Variants in PRDM4 observed in about 807,000 individuals in gnomAD.
PRDM4 encodes the protein PR domain zinc finger protein 4.
Under a neutral mutation model 62.3 loss-of-function variants are expected in PRDM4, and 38 were observed. The ratio of observed to expected loss-of-function variants is 0.61; its 90% CI spans 0.47 to 0.80. The LOEUF (loss-of-function observed/expected upper bound fraction) is 0.80. Among genes scored for constraint, PRDM4 ranks in the 30% least tolerant of loss-of-function variants. The probability of loss-of-function intolerance (pLI) is 0.00; values close to 1 mark genes in which losing one functional copy is unlikely to be tolerated. For synonymous variants in PRDM4, 339 were observed against 348.2 expected, an observed-to-expected ratio of 0.97 and a Z score of 0.30; for missense variants, 858 against 997.1, an observed-to-expected ratio of 0.86 and a Z score of 1.88.
At position 107,754,406 on chromosome 12, in the gene PRDM4, G is replaced by A. The variant is rs142750202; in HGVS notation, c.146-297C>T. Among the ~76,000 whole-genome samples the A allele has an allele frequency of 7.1e-3, 1,081 of 152,152 alleles. 13 individuals are homozygous for A. Among genetic ancestry groups the A allele is most frequent in the African/African-American group, 0.024 (992 of 41,492 alleles). On this transcript the variant is annotated intron_variant, in intron 3 of 11. Transcript: ENST00000228437. ...ATTAATTTATCGATTGATTTGAGAC[G>A]GAGTCTTGCTTTGTTGCCCAGGCTG... is the stretch of plus-strand genomic sequence containing the variant.
intron 6 of PRDM4, among the ~76,000 whole-genome samples, chr12:107,745,327 G>A (rs1890662341): frequency 6.6e-6 from 1 of 152,166 alleles, no homozygotes; most frequent in East Asian, 1.9e-4. Context: ...CACTTTGGGA[G>A]GCCAAGGCAG....
chr12:107,740,829 A>C, intron 10 of PRDM4, 117 bp downstream of exon 10: 2 of 1,074,496 alleles, frequency 1.9e-6, no homozygotes, highest in Non-Finnish European at 1.3e-6. Flanking sequence ...TAAACCACGA[A>C]GGTTTCTTTC....
At position 107,740,931 on chromosome 12, in the gene PRDM4, G is replaced by A. The variant is rs771769121; in HGVS notation, c.1924+15C>T. 5 of 1,604,230 alleles carry A rather than the reference G, an allele frequency of 3.1e-6. No homozygotes were observed. The highest frequency in any genetic ancestry group is 4.3e-6 in the Non-Finnish European group (5 of 1,173,336). ...TGTTGCAAAAATTCCATTCTGATGG[G>A]CCAACACAACTTACCTGTATGTATC... On this transcript the variant is annotated intron_variant, in intron 10 of 11. Transcript: ENST00000228437.
intron 2 of PRDM4, among the ~76,000 whole-genome samples, chr12:107,758,812 G>A (rs1053150094): frequency 6.6e-6 from 1 of 152,044 alleles, no homozygotes; most frequent in African/African-American, 2.4e-5. Flanking sequence ...AATGTAAAAG[G>A]CCAACCTAGT....
Position 107,734,487 on chromosome 12 carries a change from A to T in PRDM4, c.2129T>A (p.Leu710Gln), listed in dbSNP as rs972840363. 6.2e-7 allele frequency: 1 copy of T among 1,614,080 alleles called. No individual in the cohort carries two copies. The highest frequency in any genetic ancestry group is 8.5e-7 in the Non-Finnish European group (1 of 1,179,920). Residue 710 changes from leucine (L) to glutamine (Q), a missense_variant, in exon 12 of 12, where the codon CTG becomes CAG. Leu to Gln is a moderately radical substitution (Grantham distance 113, BLOSUM62 -2). Coordinates refer to ENST00000228437, the MANE Select transcript of PRDM4 (RefSeq NM_012406.4). ...RQIKCPKCDK[L>Q]FLRTNHLKKH... is the part of the protein sequence containing the mutation. Reference sequence around the variant, plus strand: ...CTTTAAGTGATTTGTTCTCAAGAACAGCTTATCACACTTGGGACACTTGAT... The same window carrying T: ...CTTTAAGTGATTTGTTCTCAAGAACTGCTTATCACACTTGGGACACTTGAT...
chr12:107,748,675 G>A (rs1034041118), intron 5 of PRDM4, among the ~76,000 whole-genome samples: 6 of 152,292 alleles, frequency 3.9e-5, no homozygotes, highest in Middle Eastern at 3.4e-3. Context: ...GAGAATACGC[G>A]GAAGGAGGGA....
intron 10 of PRDM4, 161 bp from the exon 11 acceptor site, chr12:107,739,712 G>C: frequency 3.5e-6 from 2 of 571,644 alleles, no homozygotes; most frequent in South Asian, 6.3e-5. Context: ...GACCACTCAA[G>C]AGCTCCTGAG....
intron 7 of PRDM4, among the ~76,000 whole-genome samples, chr12:107,743,604 C>A (rs1165318974): frequency 6.6e-6 from 1 of 152,196 alleles, no homozygotes; most frequent in East Asian, 1.9e-4. Flanking sequence ...ACACAGTAGG[C>A]ACTGAATGAC....
In PRDM4 at chr12:107,760,628, ACGCGGCCACTC is replaced by A; in HGVS notation, c.-124_-114del. ...CATCTTGCTCACAACCGCTGCACCG[ACGCGGCCACTC>A]GTCCCCGGGGTCGCCCGGGGCCGCC... On this transcript the variant is annotated 5_prime_UTR_variant, in exon 2 of 12. The change abolishes the stop of an existing upstream ORF in the 5' untranslated region. Transcript: ENST00000228437. 1 of 1,360,258 alleles carries A rather than the reference ACGCGGCCACTC, an allele frequency of 7.4e-7. No individual in the cohort carries two copies. Among genetic ancestry groups the A allele is most frequent in the South Asian group, 1.4e-5 (1 of 73,888 alleles). 84.3% of individuals were successfully genotyped at this position (1,360,258 alleles called of 1,614,324 possible).
Position 107,734,538 on chromosome 12 carries a change from G to A in PRDM4, c.2094-16C>T, listed in dbSNP as rs1425132300. 7.5e-6 allele frequency: 12 copies of A among 1,591,778 alleles called. No homozygotes were observed. The Admixed American group carries it at 1.1e-4, about 14-fold the overall frequency. On this transcript the variant is annotated splice_polypyrimidine_tract_variant and intron_variant, in intron 11 of 11. Transcript: ENST00000228437. The stretch of plus-strand genomic sequence containing the variant: ...CTGGCGTTCTCTAAGAGGAACACAA[G>A]AAAAAACATTTGATTTGGGGTTACA...
Position 107,744,618 on chromosome 12 carries a change from T to C in PRDM4, c.1320A>G (p.Gly440=), listed in dbSNP as rs1330155436. ...AGTGACTCTGCTGGCCAATTAGAGG[T>C]CCAAAGCAAGTCCGCACAGGAATGG... ...GETIPVRTCF[G]PLIGQQSHSM... The change falls in exon 7 of 12, where the codon GGA becomes GGG. Residue 440 remains glycine (G), a synonymous_variant. Coordinates refer to ENST00000228437, the MANE Select transcript of PRDM4 (RefSeq NM_012406.4). 1 of 1,613,802 alleles carries C rather than the reference T, an allele frequency of 6.2e-7. No individual in the cohort carries two copies. The highest frequency in any genetic ancestry group is 1.7e-5 in the Admixed American group (1 of 59,986).
chr12:107,740,788 T>C (rs1890492710), intron 10 of PRDM4, among the ~76,000 whole-genome samples, 158 bp downstream of exon 10: 1 of 152,172 alleles, frequency 6.6e-6, no homozygotes, highest in South Asian at 2.1e-4. Context: ...ATCCTAATAA[T>C]TGGAAGTGAC....
At chr12:107,748,077 G>C (rs1032507763) in intron 5 of PRDM4, among the ~76,000 whole-genome samples, 3 of 152,180 alleles carry the variant, frequency 2.0e-5, no homozygotes, top group Admixed American at 2.0e-4. Context: ...TACTGGGGAG[G>C]CTGAGGTGGA....
chr12:107,742,427 C>G, intron 8 of PRDM4, 79 bp from the exon 9 acceptor site: 1 of 1,479,146 alleles, frequency 6.8e-7, no homozygotes, highest in Non-Finnish European at 9.3e-7. Context: ...ATTGCAAAAT[C>G]CTATATGAAA....
rs1051786540 is a variant in PRDM4 at position 107,754,966 on chromosome 12, G to A, written c.146-857C>T. The A allele has an allele frequency of 2.0e-5, 3 of 152,198 alleles. No individual in the cohort carries two copies. The East Asian group carries it at 5.8e-4, about 29-fold the overall frequency. The allele number at this position is 152,198 out of a possible 1,614,324, so 9.4% of individuals were successfully genotyped here. ...AGTGATTAATAAAAGCTTTAAACGTGAGATTATATCTACTTTGAGTTATAT... is the reference window on the plus strand; with the variant it reads ...AGTGATTAATAAAAGCTTTAAACGTAAGATTATATCTACTTTGAGTTATAT... On this transcript the variant is annotated intron_variant, in intron 3 of 11. Coordinates refer to ENST00000228437, the MANE Select transcript of PRDM4 (RefSeq NM_012406.4).
At chr12:107,737,588 T>C (rs1053761944) in intron 11 of PRDM4, among the ~76,000 whole-genome samples, 3 of 152,184 alleles carry the variant, frequency 2.0e-5, no homozygotes, top group Non-Finnish European at 4.4e-5. Flanking sequence ...CAAACTATAA[T>C]TGTGTGATCT....
At chr12:107,753,824 G>C in intron 4 of PRDM4, 100 bp downstream of exon 4, 1 of 1,151,866 alleles carries the variant, frequency 8.7e-7, no homozygotes, top group South Asian at 1.8e-5. Flanking sequence ...ATATCTAATA[G>C]TGACAAACAG....
intron 7 of PRDM4, 75 bp downstream of exon 7, chr12:107,744,467 CT>C: frequency 6.5e-7 from 1 of 1,529,190 alleles, no homozygotes; most frequent in Non-Finnish European, 8.9e-7. Context: ...CTGATTTTGA[CT>C]TTATCATAAC....
chr12:107,750,052 T>C (rs1455056412), intron 5 of PRDM4, among the ~76,000 whole-genome samples: 1 of 152,194 alleles, frequency 6.6e-6, no homozygotes, highest in East Asian at 1.9e-4. Flanking sequence ...TCCCCGACCC[T>C]TCCATGGCCT....
Sources: allele counts gnomAD v4.1 joint callset (sites outside exome capture counted in the v4.1 genomes callset), GRCh38; gene constraint gnomAD v4.1.1; transcripts MANE v1.5; gene names NCBI Gene and HGNC (gene_info 2026-07-23, HGNC 2026-07-21).